Variants in GABRB3 observed in about 807,000 individuals in gnomAD.
GABRB3 encodes the protein gamma-aminobutyric acid receptor subunit beta-3.
Under a neutral mutation model 52.1 loss-of-function variants are expected in GABRB3, and 14 were observed. That is an observed-to-expected ratio of 0.27 (90% CI 0.18 to 0.42). The LOEUF is 0.42. GABRB3 is among the 10% of genes least tolerant of loss of function. The pLI, the probability that GABRB3 is intolerant of heterozygous loss-of-function variation, is 1.00. For missense variants in GABRB3, 307 were observed against 609.1 expected, an observed-to-expected ratio of 0.50 and a Z score of 5.22; for synonymous variants, 260 against 232.3, an observed-to-expected ratio of 1.12 and a Z score of -1.08.
chr15:26,712,569 T>C (rs1367481754), intron 3 of GABRB3, among the ~76,000 whole-genome samples: 1 of 152,186 alleles, frequency 6.6e-6, no homozygotes, highest in East Asian at 1.9e-4. Context: ...AGCCCGTGAC[T>C]CCAGAATCCT....
intron 3 of GABRB3, among the ~76,000 whole-genome samples, chr15:26,727,186 T>TA (rs1566820730): frequency 1.3e-5 from 2 of 152,066 alleles, no homozygotes; most frequent in African/African-American, 2.4e-5. Context: ...ACTCACCAGT[T>TA]TTAGCATGTA....
intron 7 of GABRB3, among the ~76,000 whole-genome samples, chr15:26,564,136 T>C (rs1394860496): frequency 6.6e-6 from 1 of 152,022 alleles, no homozygotes; most frequent in African/African-American, 2.4e-5. Context: ...GAAATGCTAA[T>C]TGGAGCATTT....
At chr15:26,632,880 C>T (rs1045742770) in intron 3 of GABRB3, among the ~76,000 whole-genome samples, 1 of 152,212 alleles carries the variant, frequency 6.6e-6, no homozygotes, top group African/African-American at 2.4e-5. Context: ...TCATAACAGG[C>T]ATTTGGAAAA....
intron 6 of GABRB3, among the ~76,000 whole-genome samples, chr15:26,578,542 G>A (rs1890675392): frequency 6.6e-6 from 1 of 152,230 alleles, no homozygotes; most frequent in Non-Finnish European, 1.5e-5. Flanking sequence ...GTGGTTCTAA[G>A]TGCTTTCAAG....
chr15:26,756,572 T>C (rs111526937), intron 3 of GABRB3, among the ~76,000 whole-genome samples: 5,856 of 152,022 alleles, frequency 0.039, 218 homozygotes, highest in South Asian at 0.16. Context: ...AGCAAGATCC[T>C]GTCTCAAAAA....
chr15:26,616,980 G>A (rs1892279699), intron 4 of GABRB3, among the ~76,000 whole-genome samples: 1 of 151,794 alleles, frequency 6.6e-6, no homozygotes, highest in Non-Finnish European at 1.5e-5. Flanking sequence ...AAAAGTGTAT[G>A]TGTCGAGGAA....
chr15:26,593,981 A>AATATAT (rs61218096), intron 4 of GABRB3, among the ~76,000 whole-genome samples: 9,214 of 133,670 alleles, frequency 0.069, 366 homozygotes, highest in East Asian at 0.13. Flanking sequence ...CTCATTTTAA[A>AATATAT]ATATATATAT....
chr15:26,730,047 C>A (rs1176013026), intron 3 of GABRB3, among the ~76,000 whole-genome samples: 1 of 152,204 alleles, frequency 6.6e-6, no homozygotes, highest in Non-Finnish European at 1.5e-5. Context: ...GAAGCAATAT[C>A]ATCTCTATAC....
At chr15:26,630,222 C>T (rs969800063) in intron 3 of GABRB3, among the ~76,000 whole-genome samples, 4 of 152,196 alleles carry the variant, frequency 2.6e-5, no homozygotes, top group Non-Finnish European at 5.9e-5. Flanking sequence ...TGGGCCCCTG[C>T]TCTACCCAGT....
chr15:26,634,311 C>T (rs754198), intron 3 of GABRB3, among the ~76,000 whole-genome samples: 58,196 of 151,958 alleles, frequency 0.38, 12,161 homozygotes, highest in Middle Eastern at 0.55. Context: ...TCACTGTCTT[C>T]GTGCCTCAAA....
intron 3 of GABRB3, among the ~76,000 whole-genome samples, chr15:26,672,362 G>T (rs893214466): frequency 6.6e-6 from 1 of 152,068 alleles, no homozygotes; most frequent in Admixed American, 6.6e-5. Context: ...CCCAGACATC[G>T]TCACAAGCCA....
upstream of GABRB3, chr15:26,773,709 G>C: frequency 6.4e-7 from 1 of 1,570,250 alleles, no homozygotes; most frequent in Non-Finnish European, 8.6e-7. Context: ...AGGAGCTCCA[G>C]GAGCCCGGAG....
chr15:26,555,377 T>A (rs2140665760), intron 8 of GABRB3, among the ~76,000 whole-genome samples: 1 of 152,206 alleles, frequency 6.6e-6, no homozygotes, highest in South Asian at 2.1e-4. Flanking sequence ...ACACAAGACA[T>A]CGGGTAAAAT....
chr15:26,736,267 T>A (rs1890063564), intron 3 of GABRB3, among the ~76,000 whole-genome samples: 1 of 152,232 alleles, frequency 6.6e-6, no homozygotes, highest in African/African-American at 2.4e-5. Context: ...AAATAAATAA[T>A]TTTTTAAATA....
chr15:26,574,846 C>T (rs183410946), intron 6 of GABRB3, among the ~76,000 whole-genome samples: 9 of 152,276 alleles, frequency 5.9e-5, no homozygotes, highest in African/African-American at 2.2e-4. Flanking sequence ...ATACTAAACA[C>T]CACTGAATGT....
At chr15:26,567,545 C>T (rs1257577974) in intron 7 of GABRB3, 36 bp downstream of exon 7, 2 of 1,603,298 alleles carry the variant, frequency 1.2e-6, no homozygotes, top group Admixed American at 1.7e-5. Flanking sequence ...GATACGGTTA[C>T]TTTACATTTA....
At chr15:26,758,522 T>A (rs1382425593) in intron 3 of GABRB3, among the ~76,000 whole-genome samples, 1 of 152,184 alleles carries the variant, frequency 6.6e-6, no homozygotes, top group Non-Finnish European at 1.5e-5. Context: ...TCACTGCTTA[T>A]CTCCTAAGGA....
rs556496777 is a variant in GABRB3, at chr15:26,624,520, C to T, written c.241-2986G>A. 1.8e-5 allele frequency: 18 copies of T among 985,428 alleles called. No homozygotes were observed. The South Asian group carries it at 4.7e-4, about 26-fold the overall frequency. 61.0% of individuals were successfully genotyped at this position (985,428 alleles called of 1,614,324 possible). A position where few individuals can be genotyped will look rare whatever the true frequency, so the allele number is the denominator to read the frequency against. On this transcript the variant is annotated intron_variant, in intron 3 of 8. Transcript: ENST00000311550. ...GGCTGTCACTCACAGCCTGACAGCT[C>T]GGGCTCCGCGTCTTATTTTGGACTG...
chr15:26,593,981 A>AATATATATATATATATAT (rs61218096), intron 4 of GABRB3, among the ~76,000 whole-genome samples: 2 of 133,972 alleles, frequency 1.5e-5, no homozygotes, highest in Non-Finnish European at 3.2e-5. Context: ...CTCATTTTAA[A>AATATATATATATATATAT]ATATATATAT....
Sources: allele counts gnomAD v4.1 joint callset (sites outside exome capture counted in the v4.1 genomes callset), GRCh38; gene constraint gnomAD v4.1.1; transcripts MANE v1.5; gene names NCBI Gene and HGNC (gene_info 2026-07-23, HGNC 2026-07-21).